Variants in FLT1 observed in about 807,000 individuals in gnomAD.
The protein encoded by FLT1 is vascular endothelial growth factor receptor 1.
FLT1 carries 49 observed loss-of-function variants against 156.3 expected under a neutral mutation model. The observed-to-expected ratio is 0.31, with a 90% CI of 0.25 to 0.40. The LOEUF (loss-of-function observed/expected upper bound fraction) is 0.40. Ranked by LOEUF, FLT1 falls within the 10% of genes least tolerant of loss-of-function variation. The pLI is 1.00. For synonymous variants in FLT1, 594 were observed against 583.8 expected (o/e 1.02, Z -0.25); for missense variants, 1,322 against 1,637.2 (o/e 0.81, Z 3.32).
intron 13 of FLT1, chr13:28,388,656 T>C: frequency 9.5e-7 from 1 of 1,056,520 alleles, no homozygotes; most frequent in East Asian, 5.3e-5. Flanking sequence ...GTTTTGCCGC[T>C]TCTTAATCCC....
At chr13:28,370,901 G>A (rs763558302) in intron 14 of FLT1, among the ~76,000 whole-genome samples, 1 of 152,116 alleles carries the variant, frequency 6.6e-6, no homozygotes, top group African/African-American at 2.4e-5. Flanking sequence ...ATGAAGTAGC[G>A]ACTCTAATGA....
At chr13:28,465,839 A>AAAACAAAC (rs10673633) in intron 3 of FLT1, among the ~76,000 whole-genome samples, 14,296 of 151,978 alleles carry the variant, frequency 0.094, 2,271 homozygotes, top group African/African-American at 0.33. Flanking sequence ...CCATCTCAAA[A>AAAACAAAC]AAACAAACAA....
chr13:28,396,912 G>A (rs750434685), intron 12 of FLT1, 48 bp downstream of exon 12: 1 of 1,072,450 alleles, frequency 9.3e-7, no homozygotes, highest in Non-Finnish European at 1.5e-6. Context: ...AGACTGAAGA[G>A]AGAATGAAGT....
intron 3 of FLT1, among the ~76,000 whole-genome samples, chr13:28,466,420 A>G (rs1023545964): frequency 6.6e-5 from 10 of 152,224 alleles, no homozygotes; most frequent in African/African-American, 2.4e-4. Flanking sequence ...AACATGAAAT[A>G]ATACAACATT....
chr13:28,436,596 C>T (rs1007308171), intron 4 of FLT1, among the ~76,000 whole-genome samples: 8 of 152,246 alleles, frequency 5.3e-5, no homozygotes, highest in African/African-American at 1.7e-4. Flanking sequence ...ATTAGCGCTC[C>T]CATGAAAGAG....
At chr13:28,481,938 A>G (rs1422810115) in intron 1 of FLT1, among the ~76,000 whole-genome samples, 3 of 152,240 alleles carry the variant, frequency 2.0e-5, no homozygotes, top group Non-Finnish European at 4.4e-5. Context: ...ATACAACCAT[A>G]TCTATACCTC....
Position 28,427,215 on chromosome 13 carries a change from A to G in FLT1, c.1380T>C (p.Pro460=). 1 of 1,614,070 alleles carries G rather than the reference A, an allele frequency of 6.2e-7. No individual in the cohort carries two copies. The highest frequency in any genetic ancestry group is 8.5e-7 in the Non-Finnish European group (1 of 1,179,934). The change falls in exon 10 of 30, where the codon CCT becomes CCC. Residue 460 remains proline, a synonymous_variant. Coordinates refer to ENST00000282397, the MANE Select transcript of FLT1 (RefSeq NM_002019.4). ...GCCAGAACCACTTGATTGTAGGTTG[A>G]GGGATACCATATGCGGTACAAGTCA... ...QILTCTAYGI[P]QPTIKWFWHP... is the part of the protein sequence containing the mutation.
At position 28,357,713 on chromosome 13, in the gene FLT1, T is replaced by C. The variant is rs773386997; in HGVS notation, c.2117-28A>G. 15 of 1,610,496 alleles carry C rather than the reference T, an allele frequency of 9.3e-6. 1 individual carries two copies. The South Asian group carries it at 1.4e-4, about 15-fold the overall frequency. On this transcript the variant is annotated intron_variant, in intron 14 of 29. Transcript: ENST00000282397. ...GAGGGGTGAGAGATGTTTAGATTAG[T>C]GGGCCTGGATGACAAACAAAAAACA...
chr13:28,311,282 A>C (rs1468420904), intron 27 of FLT1, among the ~76,000 whole-genome samples: 2 of 152,218 alleles, frequency 1.3e-5, no homozygotes, highest in Admixed American at 1.3e-4. Context: ...CAAAATGTAT[A>C]CTAAAGTATT....
At chr13:28,317,273 G>C (rs1871247826) in intron 25 of FLT1, among the ~76,000 whole-genome samples, 1 of 152,220 alleles carries the variant, frequency 6.6e-6, no homozygotes, top group African/African-American at 2.4e-5. Context: ...CAGTGGTCAG[G>C]ACAGGAAATA....
At chr13:28,387,581 G>A in intron 13 of FLT1, 2 of 1,064,484 alleles carry the variant, frequency 1.9e-6, no homozygotes, top group South Asian at 4.6e-5. Context: ...TATGGCCCCA[G>A]AGATCTGCCA....
At chr13:28,447,359 A>AAT (rs1878680209) in intron 3 of FLT1, among the ~76,000 whole-genome samples, 1 of 149,756 alleles carries the variant, frequency 6.7e-6, no homozygotes, top group African/African-American at 2.5e-5. Flanking sequence ...TTTTTTAAAA[A>AAT]TTTTTTTGTA....
intron 3 of FLT1, among the ~76,000 whole-genome samples, chr13:28,457,704 C>T (rs1879341458): frequency 6.6e-6 from 1 of 152,160 alleles, no homozygotes; most frequent in Non-Finnish European, 1.5e-5. Flanking sequence ...ATGCCAGAAA[C>T]TTAAAGCCTT....
At chr13:28,432,273 G>A (rs1383411575) in intron 6 of FLT1, among the ~76,000 whole-genome samples, 2 of 152,028 alleles carry the variant, frequency 1.3e-5, no homozygotes, top group South Asian at 2.1e-4. Context: ...TCTGTGCCAC[G>A]TTTAATACAC....
intron 14 of FLT1, chr13:28,368,521 G>A: frequency 1.3e-6 from 2 of 1,546,240 alleles, no homozygotes; most frequent in Non-Finnish European, 1.7e-6. Flanking sequence ...ACACATAATA[G>A]TTTTCAATAA....
At chr13:28,314,127 G>A (rs1488444283) in intron 25 of FLT1, among the ~76,000 whole-genome samples, 3 of 152,184 alleles carry the variant, frequency 2.0e-5, no homozygotes, top group Non-Finnish European at 4.4e-5. Context: ...GAGCCTGGGA[G>A]GTTGAGGCTG....
intron 15 of FLT1, among the ~76,000 whole-genome samples, chr13:28,355,552 C>T (rs1404348704): frequency 6.6e-6 from 1 of 152,216 alleles, no homozygotes; most frequent in East Asian, 1.9e-4. Flanking sequence ...GAATGAGTAT[C>T]TGCCTCAGCT....
intron 25 of FLT1, among the ~76,000 whole-genome samples, chr13:28,315,297 G>A (rs1354175966): frequency 6.6e-6 from 1 of 152,256 alleles, no homozygotes; most frequent in Admixed American, 6.5e-5. Flanking sequence ...GCTCACGCCT[G>A]TAATCCCAAC....
At chr13:28,397,518 T>C (rs1380132213) in intron 11 of FLT1, among the ~76,000 whole-genome samples, 1 of 152,116 alleles carries the variant, frequency 6.6e-6, no homozygotes, top group East Asian at 1.9e-4. Context: ...AACAGGCATG[T>C]TAAGTGAGCA....
Sources: allele counts gnomAD v4.1 joint callset (sites outside exome capture counted in the v4.1 genomes callset), GRCh38; gene constraint gnomAD v4.1.1; transcripts MANE v1.5; gene names NCBI Gene and HGNC (gene_info 2026-07-23, HGNC 2026-07-21).